CNDP1: variants seen among roughly 807,000 people sequenced by gnomAD.
CNDP1 encodes beta-Ala-His dipeptidase.
In CNDP1, 44 loss-of-function variants were observed where a neutral mutation model predicts 58.1. The observed-to-expected ratio is 0.76, with a 90% CI of 0.60 to 0.97. The LOEUF (loss-of-function observed/expected upper bound fraction) is 0.97, where lower values mean the gene tolerates loss of function less well. Ranked by LOEUF, CNDP1 falls within the 50% of genes least tolerant of loss-of-function variation. CNDP1 has a pLI of 0.00. For synonymous variants in CNDP1, 254 were observed against 252.6 expected (o/e 1.01, Z -0.05); for missense variants, 616 against 655.1 (o/e 0.94, Z 0.65).
At chr18:74,550,879 C>T (rs896291217) in intron 1 of CNDP1, among the ~76,000 whole-genome samples, 1 of 151,916 alleles carries the variant, frequency 6.6e-6, no homozygotes, top group Non-Finnish European at 1.5e-5. Context: ...GGATTACAGA[C>T]GTGAGCCACC....
In CNDP1 at chr18:74,578,265, G is replaced by A. The variant is rs1434779894; in HGVS notation, c.1105G>A (p.Val369Ile). The A allele has an allele frequency of 1.2e-6, 2 of 1,613,970 alleles. No homozygotes were observed. Among genetic ancestry groups the A allele is most frequent in the Non-Finnish European group, 1.7e-6 (2 of 1,180,032 alleles). ...PGTKTVIPGR[V>I]IGKFSIRLVP... ...AACTAAAACAGTCATACCTGGCCGA[G>A]TTATAGGAAAATTTTCAATCCGTCT... The change falls in exon 9 of 12, where the codon GTT becomes ATT. Residue 369 changes from valine (V) to isoleucine (I), a missense_variant. By Grantham distance (29) the Val-to-Ile change is conservative. Coordinates refer to ENST00000358821, the MANE Select transcript of CNDP1 (RefSeq NM_032649.6).
intron 1 of CNDP1, among the ~76,000 whole-genome samples, chr18:74,536,771 G>C (rs888241631): frequency 6.6e-6 from 1 of 152,206 alleles, no homozygotes; most frequent in South Asian, 2.1e-4. Flanking sequence ...CAACGTATAA[G>C]TTTTCCCTTT....
chr18:74,556,720 A>C (rs1199327790), intron 2 of CNDP1, among the ~76,000 whole-genome samples: 2 of 152,152 alleles, frequency 1.3e-5, no homozygotes, highest in East Asian at 3.9e-4. Context: ...GTCCACACAG[A>C]GATGACCAGC....
intron 1 of CNDP1, among the ~76,000 whole-genome samples, chr18:74,543,509 C>CAAAAT (rs56408022): frequency 0.16 from 23,595 of 148,628 alleles, 1,905 homozygotes; most frequent in Middle Eastern, 0.22. Flanking sequence ...TAAAACAAAA[C>CAAAAT]AAAATAAAAT....
At chr18:74,550,192 C>T (rs1004956019) in intron 1 of CNDP1, among the ~76,000 whole-genome samples, 1 of 152,206 alleles carries the variant, frequency 6.6e-6, no homozygotes. Flanking sequence ...GATCCACTGG[C>T]AGCTTACATC....
At chr18:74,546,176 G>A (rs1395186382) in intron 1 of CNDP1, among the ~76,000 whole-genome samples, 3 of 152,168 alleles carry the variant, frequency 2.0e-5, no homozygotes, top group Non-Finnish European at 4.4e-5. Context: ...TACGTTTCTA[G>A]ATGATGGAAG....
chr18:74,564,517 C>G (rs1981278970), intron 5 of CNDP1, among the ~76,000 whole-genome samples: 2 of 152,040 alleles, frequency 1.3e-5, no homozygotes, highest in Non-Finnish European at 2.9e-5. Flanking sequence ...AAAAATTATC[C>G]CGAGGCTTAA....
chr18:74,580,030 A>T, intron 9 of CNDP1, 100 bp from the exon 10 acceptor site: 1 of 1,019,864 alleles, frequency 9.8e-7, no homozygotes, highest in African/African-American at 1.6e-5. Context: ...GGAAGAGGCT[A>T]TATTAACTGT....
intron 3 of CNDP1, among the ~76,000 whole-genome samples, chr18:74,560,607 C>G (rs1981164110): frequency 6.6e-6 from 1 of 151,926 alleles, no homozygotes; most frequent in Non-Finnish European, 1.5e-5. Flanking sequence ...TATGAGGAGG[C>G]TGAGATGGGA....
At chr18:74,546,686 C>T (rs909530202) in intron 1 of CNDP1, among the ~76,000 whole-genome samples, 4 of 152,204 alleles carry the variant, frequency 2.6e-5, no homozygotes, top group Non-Finnish European at 4.4e-5. Flanking sequence ...ACACCCACCC[C>T]GTGACTGGCA....
intron 5 of CNDP1, among the ~76,000 whole-genome samples, chr18:74,566,725 C>T (rs1199803344): frequency 6.6e-6 from 1 of 152,246 alleles, no homozygotes; most frequent in Non-Finnish European, 1.5e-5. Flanking sequence ...AAACTTTCCA[C>T]ATTTTTGTGT....
intron 6 of CNDP1, among the ~76,000 whole-genome samples, chr18:74,567,966 G>T (rs1053831780): frequency 6.6e-6 from 1 of 152,180 alleles, no homozygotes; most frequent in South Asian, 2.1e-4. Flanking sequence ...TTCCCACCTT[G>T]AAAGATGGTA....
chr18:74,566,887 A>G (rs1206098272), intron 5 of CNDP1, among the ~76,000 whole-genome samples: 1 of 152,204 alleles, frequency 6.6e-6, no homozygotes, highest in African/African-American at 2.4e-5. Flanking sequence ...ATAAAGACAT[A>G]CCCAAGACTG....
At chr18:74,563,430 G>C (rs1365716888) in intron 5 of CNDP1, among the ~76,000 whole-genome samples, 1 of 151,966 alleles carries the variant, frequency 6.6e-6, no homozygotes, top group Non-Finnish European at 1.5e-5. Flanking sequence ...TTATAAGATT[G>C]TTCTGATAAA....
chr18:74,577,180 C>A, intron 8 of CNDP1, 151 bp downstream of exon 8: 1 of 674,992 alleles, frequency 1.5e-6, no homozygotes, highest in Non-Finnish European at 2.3e-6. Flanking sequence ...ACATTCACAG[C>A]CACTTCCCCG....
rs575697188 is a variant in CNDP1, at chr18:74,578,166, G to A, written c.1006G>A (p.Glu336Lys). 5.0e-6 allele frequency: 8 copies of A among 1,604,234 alleles called. No individual in the cohort carries two copies. The highest frequency in any genetic ancestry group is 1.8e-5 in the Admixed American group (1 of 57,114). The change falls in exon 9 of 12, where the codon GAG (glutamate) becomes AAG (lysine). Residue 336 changes from glutamate to lysine, a missense_variant. Physicochemically the swap from Glu to Lys is moderately conservative, Grantham distance 56 (BLOSUM62 1). Transcript: ENST00000358821. ...VEKFLFDTKE[E>K]ILMHLWRYPS... is the part of the protein sequence containing the mutation. ...GGATAATTTTATTTTAATATAGGAGGAGATTCTAATGCACCTCTGGAGGTA... is the reference window on the plus strand; with the variant it reads ...GGATAATTTTATTTTAATATAGGAGAAGATTCTAATGCACCTCTGGAGGTA...
In CNDP1 at chr18:74,542,037, C is replaced by G. The variant is rs140827221; in HGVS notation, c.24+7346C>G. ...GAGGGGTCCCCTGTGCCTTCTAGGACTAGCTCCAGTGCCCTGGGATCCCAG... is the reference window on the plus strand; with the variant it reads ...GAGGGGTCCCCTGTGCCTTCTAGGAGTAGCTCCAGTGCCCTGGGATCCCAG... On this transcript the variant is annotated intron_variant, in intron 1 of 11. Transcript: ENST00000358821. 4.1e-3 allele frequency among the ~76,000 whole-genome samples: 622 copies of G among 152,322 alleles called. 7 individuals carry two copies. Among genetic ancestry groups the G allele is most frequent in the Non-Finnish European group, 3.5e-3 (238 of 68,020 alleles).
chr18:74,561,678 G>T, intron 4 of CNDP1: 1 of 197,686 alleles, frequency 5.1e-6, no homozygotes. Flanking sequence ...TCTACTAACT[G>T]TAAAATCCCC....
Position 74,576,899 on chromosome 18 carries a change from T to G in CNDP1, c.872T>G (p.Leu291Arg), listed in dbSNP as rs1254013717. The G allele has an allele frequency of 6.2e-7, 1 of 1,613,338 alleles. No homozygotes were observed. The highest frequency in any genetic ancestry group is 2.2e-5 in the East Asian group (1 of 44,880). The stretch of plus-strand genomic sequence containing the variant: ...CTGGTAGACTCGTCTGGTCATATCC[T>G]GGTCCCTGGAATCTATGATGAAGTG... ...GSLVDSSGHI[L>R]VPGIYDEVVP... The change falls in exon 8 of 12, where the codon CTG becomes CGG. Residue 291 changes from leucine to arginine, a missense_variant. Physicochemically the swap from Leu to Arg is moderately radical, Grantham distance 102. Transcript: ENST00000358821.
Sources: allele counts gnomAD v4.1 joint callset (sites outside exome capture counted in the v4.1 genomes callset), GRCh38; gene constraint gnomAD v4.1.1; transcripts MANE v1.5; gene names NCBI Gene and HGNC (gene_info 2026-07-23, HGNC 2026-07-21).